Variants in DOCK5 observed in about 807,000 individuals in gnomAD.
DOCK5 encodes the protein dedicator of cytokinesis 5.
A neutral mutation model predicts 251.8 loss-of-function variants in DOCK5; 142 were observed. The ratio of observed to expected loss-of-function variants is 0.56; its 90% confidence interval spans 0.49 to 0.65. DOCK5 has a LOEUF of 0.65. Among genes scored for constraint, DOCK5 ranks in the 30% least tolerant of loss-of-function variants. The pLI is 0.00. For missense variants in DOCK5, 2,111 were observed against 2,312.3 expected (o/e 0.91, Z 1.79); for synonymous variants, 842 against 835.5 (o/e 1.01, Z -0.13).
intron 34 of DOCK5, among the ~76,000 whole-genome samples, chr8:25,370,924 C>T (rs1800862062): frequency 6.6e-6 from 1 of 152,182 alleles, no homozygotes; most frequent in South Asian, 2.1e-4. Context: ...GATTTACAGG[C>T]ATGAGCCACC....
intron 1 of DOCK5, among the ~76,000 whole-genome samples, chr8:25,204,738 T>G (rs1801960614): frequency 6.6e-6 from 1 of 152,210 alleles, no homozygotes; most frequent in Non-Finnish European, 1.5e-5. Context: ...TCAGACTGGC[T>G]AAGTCATACG....
At chr8:25,260,350 G>GCCC (rs1310441804) in intron 2 of DOCK5, among the ~76,000 whole-genome samples, 9 of 149,480 alleles carry the variant, frequency 6.0e-5, no homozygotes, top group African/African-American at 2.0e-4. Flanking sequence ...CTGGGGTGCC[G>GCCC]CCCACCCCCG....
chr8:25,251,121 T>G (rs978162506), intron 2 of DOCK5, among the ~76,000 whole-genome samples: 2 of 152,194 alleles, frequency 1.3e-5, no homozygotes, highest in Non-Finnish European at 2.9e-5. Flanking sequence ...TTTCCTGTGT[T>G]TAATTCATAT....
intron 5 of DOCK5, 119 bp downstream of exon 5, chr8:25,278,784 G>A: frequency 1.1e-6 from 1 of 898,664 alleles, no homozygotes; most frequent in Non-Finnish European, 1.7e-6. Flanking sequence ...ATTCTCCCTG[G>A]ATCACACAAA....
chr8:25,324,384 A>G (rs1403640260), intron 17 of DOCK5, among the ~76,000 whole-genome samples: 3 of 152,020 alleles, frequency 2.0e-5, no homozygotes, highest in African/African-American at 7.3e-5. Context: ...TGGGGGCCTT[A>G]TTTCCTTCCC....
chr8:25,237,359 G>A (rs1233809722), intron 1 of DOCK5, among the ~76,000 whole-genome samples: 1 of 151,932 alleles, frequency 6.6e-6, no homozygotes, highest in Non-Finnish European at 1.5e-5. Context: ...GATAGAGTGA[G>A]ATCCTGTCTC....
Position 25,197,566 on chromosome 8 carries a change from T to TGA in DOCK5, c.43+12616_43+12617insAG, listed in dbSNP as rs1801760379. Among the ~76,000 whole-genome samples, 2 of 137,058 alleles carry TGA rather than the reference T, an allele frequency of 1.5e-5. 1 individual carries two copies. Among genetic ancestry groups the TGA allele is most frequent in the Non-Finnish European group, 3.1e-5 (2 of 64,624 alleles). The allele number at this position is 137,058 out of a possible 152,430, so 89.9% of individuals were successfully genotyped here. ...AAAGATGCCCTCTCTTTAAGGATCG[T>TGA]GTCTTTGTCTTTTTTTTTTTTTTTT... is the stretch of plus-strand genomic sequence containing the variant. On this transcript the variant is annotated intron_variant, in intron 1 of 51. Coordinates refer to ENST00000276440, the MANE Select transcript of DOCK5 (RefSeq NM_024940.8).
intron 6 of DOCK5, among the ~76,000 whole-genome samples, chr8:25,295,057 T>C (rs1441917192): frequency 2.0e-5 from 3 of 152,154 alleles, no homozygotes; most frequent in Non-Finnish European, 4.4e-5. Context: ...ATCCAAACCA[T>C]ATCAAGAGCT....
chr8:25,372,807 C>A, intron 35 of DOCK5, 89 bp downstream of exon 35: 2 of 1,347,568 alleles, frequency 1.5e-6, no homozygotes, highest in East Asian at 2.9e-5. Flanking sequence ...CCCACAAACA[C>A]AGAGGCGCCC....
chr8:25,404,053 C>T (rs371141327), intron 48 of DOCK5, among the ~76,000 whole-genome samples: 14 of 151,976 alleles, frequency 9.2e-5, no homozygotes, highest in Admixed American at 9.2e-4. Context: ...AAGAACCAAA[C>T]GATATATCAC....
intron 26 of DOCK5, 45 bp downstream of exon 26, chr8:25,345,656 C>T (rs769083305): frequency 1.2e-6 from 2 of 1,605,054 alleles, no homozygotes; most frequent in Non-Finnish European, 1.7e-6. Flanking sequence ...CACACTGTCC[C>T]CTTTGCACCA....
intron 40 of DOCK5, among the ~76,000 whole-genome samples, chr8:25,387,123 A>G (rs541529250): frequency 3.8e-4 from 57 of 151,310 alleles, no homozygotes; most frequent in South Asian, 2.1e-4. Flanking sequence ...ACCCAATGAG[A>G]TCTCATTATC....
At chr8:25,362,119 T>TA (rs1800692423) in intron 28 of DOCK5, among the ~76,000 whole-genome samples, 1 of 152,240 alleles carries the variant, frequency 6.6e-6, no homozygotes, top group African/African-American at 2.4e-5. Context: ...CAGCCACTGT[T>TA]ACGATCCATT....
intron 1 of DOCK5, among the ~76,000 whole-genome samples, chr8:25,237,452 C>T (rs1482252586): frequency 1.3e-5 from 2 of 152,186 alleles, no homozygotes; most frequent in East Asian, 1.9e-4. Flanking sequence ...ACTGATCACT[C>T]AGTTTGCAGC....
intron 18 of DOCK5, among the ~76,000 whole-genome samples, chr8:25,325,952 G>C (rs557332927): frequency 2.3e-4 from 35 of 152,194 alleles, no homozygotes; most frequent in African/African-American, 8.2e-4. Flanking sequence ...AACAGGTATG[G>C]CAGGGCTTCC....
chr8:25,245,747 C>T (rs572628038), intron 2 of DOCK5, among the ~76,000 whole-genome samples: 16 of 152,098 alleles, frequency 1.1e-4, no homozygotes, highest in African/African-American at 3.1e-4. Context: ...ATCATGTTGG[C>T]CAGCCTGGTC....
At chr8:25,365,423 G>A (rs996340068) in intron 30 of DOCK5, among the ~76,000 whole-genome samples, 2 of 152,262 alleles carry the variant, frequency 1.3e-5, no homozygotes, top group East Asian at 1.9e-4. Flanking sequence ...AGTTCTTGAC[G>A]TTTTGAACAA....
Position 25,363,074 on chromosome 8 carries a change from T to C in DOCK5, c.2977T>C (p.Phe993Leu). ...CTTCCTCATGGAAACTTTTATCATGTTCAAGGACCTGATTGGAAAGAATGT... is the reference window on the plus strand; with the variant it reads ...CTTCCTCATGGAAACTTTTATCATGCTCAAGGACCTGATTGGAAAGAATGT... ...IDFLMETFIM[F>L]KDLIGKNVYA... Residue 993 changes from phenylalanine (F) to leucine (L), a missense_variant, in exon 29 of 52, where the codon TTC (phenylalanine) becomes CTC (leucine). Transcript: ENST00000276440. 1 of 1,613,990 alleles carries C rather than the reference T, an allele frequency of 6.2e-7. No individual in the cohort carries two copies. Among genetic ancestry groups the C allele is most frequent in the South Asian group, 1.1e-5 (1 of 91,088 alleles).
At position 25,243,637 on chromosome 8, in the gene DOCK5, T is replaced by C. The variant is rs146170766; in HGVS notation, c.44-37T>C. On this transcript the variant is annotated intron_variant, in intron 1 of 51. Coordinates refer to ENST00000276440, the MANE Select transcript of DOCK5 (RefSeq NM_024940.8). ...AGCCACCGTGCCCAGCCAAGTGACA[T>C]GCATTCTAATTTCCCTTTTTTATTT... 3 of 1,592,396 alleles carry C rather than the reference T, an allele frequency of 1.9e-6. No homozygotes were observed. In the African/African-American group the frequency reaches 4.0e-5, roughly 21 times the overall value.
Sources: gnomAD v4.1 joint callset for allele counts (sites outside exome capture counted in the v4.1 genomes callset) on GRCh38, gnomAD v4.1.1 for gene constraint, MANE v1.5 for transcripts, NCBI Gene and HGNC (gene_info 2026-07-23, HGNC 2026-07-21) for gene names.